CCDC170: variants seen among roughly 807,000 people sequenced by gnomAD.
The protein encoded by CCDC170 is coiled-coil domain containing 170, also known as coiled-coil domain-containing protein 170.
CCDC170 carries 69 observed loss-of-function variants against 72.6 expected under a neutral mutation model. The ratio of observed to expected loss-of-function variants is 0.95; its 90% CI spans 0.78 to 1.16. The LOEUF (loss-of-function observed/expected upper bound fraction) is 1.16. Ranked by LOEUF, CCDC170 falls within the 50% of genes most tolerant of loss-of-function variation. The pLI, the probability that CCDC170 is intolerant of heterozygous loss-of-function variation, is 0.00. For missense variants in CCDC170, 852 were observed against 832.5 expected (o/e 1.02, Z -0.29); for synonymous variants, 300 against 303.9 (o/e 0.99, Z 0.13).
chr6:151,620,052 A>T lies in CCDC170; in HGVS notation c.*1905A>T, dbSNP rs1266038463. ...TATTTTTAATTTTTTAAGCTTGACAAATGCACTGATTGTTATACTTTAAAT... is the reference window on the plus strand; with the variant it reads ...TATTTTTAATTTTTTAAGCTTGACATATGCACTGATTGTTATACTTTAAAT... On this transcript the variant is annotated 3_prime_UTR_variant, in exon 11 of 11. Coordinates refer to ENST00000239374, the MANE Select transcript of CCDC170 (RefSeq NM_025059.4). The T allele has an allele frequency of 6.6e-6, 1 of 152,090 alleles. No individual in the cohort carries two copies. Among genetic ancestry groups the T allele is most frequent in the Non-Finnish European group, 1.5e-5 (1 of 68,020 alleles). The allele number at this position is 152,090 out of a possible 1,614,324, so 9.4% of individuals were successfully genotyped here.
intron 6 of CCDC170, among the ~76,000 whole-genome samples, chr6:151,575,244 G>T (rs6915088): frequency 0.15 from 22,018 of 151,682 alleles, 1,908 homozygotes; most frequent in African/African-American, 0.25. Context: ...AGGAGAAAAC[G>T]CATTTTACCA....
At chr6:151,547,015 G>T (rs1465331619) in intron 4 of CCDC170, among the ~76,000 whole-genome samples, 2 of 149,270 alleles carry the variant, frequency 1.3e-5, no homozygotes, top group East Asian at 2.0e-4. Context: ...AAAAAAATTG[G>T]CCCAGATCAG....
At chr6:151,596,987 T>G (rs1167708755) in intron 9 of CCDC170, among the ~76,000 whole-genome samples, 1 of 152,074 alleles carries the variant, frequency 6.6e-6, no homozygotes, top group Non-Finnish European at 1.5e-5. Flanking sequence ...CCACCACGCC[T>G]GGCTAATTTT....
chr6:151,494,252 G>T, intron 1 of CCDC170, 67 bp downstream of exon 1: 1 of 1,409,688 alleles, frequency 7.1e-7, no homozygotes, highest in Non-Finnish European at 9.3e-7. Flanking sequence ...GAGGGGCCGA[G>T]GCGCCCCTGA....
At chr6:151,554,872 G>GGTT (rs1256155008) in intron 5 of CCDC170, among the ~76,000 whole-genome samples, 14 of 102,320 alleles carry the variant, frequency 1.4e-4, no homozygotes, top group African/African-American at 4.8e-4. Context: ...TTGGACCTCA[G>GGTT]TTTTTTTTTT....
chr6:151,527,183 C>G (rs1336087577), intron 1 of CCDC170, among the ~76,000 whole-genome samples: 1 of 151,362 alleles, frequency 6.6e-6, no homozygotes, highest in East Asian at 1.9e-4. Context: ...AGGTGTGAGC[C>G]ATCGAGCTTA....
chr6:151,590,496 C>T (rs374004484), intron 7 of CCDC170, among the ~76,000 whole-genome samples: 2 of 152,142 alleles, frequency 1.3e-5, no homozygotes, highest in African/African-American at 2.4e-5. Context: ...ATGAAATGCA[C>T]GTTCTGGTAA....
intron 6 of CCDC170, among the ~76,000 whole-genome samples, chr6:151,579,952 G>A (rs1776358018): frequency 6.6e-6 from 1 of 152,192 alleles, no homozygotes; most frequent in Non-Finnish European, 1.5e-5. Flanking sequence ...CTAGTAAGTG[G>A]TACAGGGGAA....
chr6:151,560,674 G>T (rs1341827905), intron 5 of CCDC170, among the ~76,000 whole-genome samples: 1 of 152,056 alleles, frequency 6.6e-6, no homozygotes, highest in African/African-American at 2.4e-5. Context: ...TAGGAGGATA[G>T]CTAAATCTTG....
intron 5 of CCDC170, among the ~76,000 whole-genome samples, chr6:151,549,036 A>G (rs972571038): frequency 1.3e-5 from 2 of 152,070 alleles, no homozygotes; most frequent in African/African-American, 4.8e-5. Context: ...AGTAGCTGGG[A>G]CTACAGGGGC....
chr6:151,525,759 G>T (rs74805578), intron 1 of CCDC170, among the ~76,000 whole-genome samples: 5,375 of 152,246 alleles, frequency 0.035, 320 homozygotes, highest in African/African-American at 0.12. Flanking sequence ...ATACAGATGT[G>T]CATGACACTA....
intron 5 of CCDC170, among the ~76,000 whole-genome samples, chr6:151,561,715 T>C (rs974938756): frequency 6.6e-6 from 1 of 152,100 alleles, no homozygotes; most frequent in Non-Finnish European, 1.5e-5. Context: ...GTATACTATC[T>C]CATAGGAGTT....
At chr6:151,501,109 TTAAA>T (rs1781988643) in intron 1 of CCDC170, among the ~76,000 whole-genome samples, 1 of 152,150 alleles carries the variant, frequency 6.6e-6, no homozygotes, top group African/African-American at 2.4e-5. Context: ...AGATGAGTAA[TTAAA>T]TGTTTCCCCT....
intron 1 of CCDC170, among the ~76,000 whole-genome samples, chr6:151,519,583 TA>T (rs1233197600): frequency 2.0e-5 from 3 of 152,228 alleles, no homozygotes; most frequent in Non-Finnish European, 4.4e-5. Flanking sequence ...TAAGAAATTA[TA>T]AAAGTATTAA....
intron 9 of CCDC170, among the ~76,000 whole-genome samples, chr6:151,607,483 G>A (rs1401278285): frequency 6.6e-6 from 1 of 152,082 alleles, no homozygotes; most frequent in Non-Finnish European, 1.5e-5. Context: ...TAACTTTCAT[G>A]TGTTTTCATT....
intron 3 of CCDC170, among the ~76,000 whole-genome samples, chr6:151,544,166 G>A (rs1326461860): frequency 1.3e-5 from 2 of 152,070 alleles, no homozygotes; most frequent in East Asian, 1.9e-4. Context: ...ATGAAGCTTG[G>A]TTCTCTAGAA....
chr6:151,536,773 CAAAAAAAAA>C (rs55663799), intron 2 of CCDC170, among the ~76,000 whole-genome samples: 3 of 79,260 alleles, frequency 3.8e-5, no homozygotes, highest in East Asian at 4.0e-4. Flanking sequence ...GACTCCATCT[CAAAAAAAAA>C]AAAAAAAAAA....
intron 5 of CCDC170, among the ~76,000 whole-genome samples, chr6:151,561,686 C>A (rs1346448100): frequency 6.6e-6 from 1 of 151,842 alleles, no homozygotes; most frequent in African/African-American, 2.4e-5. Flanking sequence ...TAACTATATG[C>A]CTTGGGAATG....
At chr6:151,566,872 T>A (rs891436242) in intron 5 of CCDC170, among the ~76,000 whole-genome samples, 1 of 152,240 alleles carries the variant, frequency 6.6e-6, no homozygotes, top group Non-Finnish European at 1.5e-5. Context: ...ACTTAGTTAA[T>A]CTTGGTTGGA....
Sources: gnomAD v4.1 joint callset for allele counts (sites outside exome capture counted in the v4.1 genomes callset) on GRCh38, gnomAD v4.1.1 for gene constraint, MANE v1.5 for transcripts, NCBI Gene and HGNC (gene_info 2026-07-23, HGNC 2026-07-21) for gene names.